PPP1R13L: variants seen among roughly 807,000 people sequenced by gnomAD.
The protein encoded by PPP1R13L is relA-associated inhibitor.
PPP1R13L carries 50 observed loss-of-function variants against 80.9 expected under a neutral mutation model. That is an observed-to-expected ratio of 0.62 (90% CI 0.49 to 0.78). PPP1R13L has a LOEUF of 0.78. Among genes scored for constraint, PPP1R13L ranks in the 30% least tolerant of loss-of-function variants. PPP1R13L has a pLI of 0.00. For synonymous variants in PPP1R13L, 602 were observed against 534.3 expected, an observed-to-expected ratio of 1.13 and a Z score of -1.75; for missense variants, 1,200 against 1,205.9, an observed-to-expected ratio of 1.00 and a Z score of 0.07.
intron 6 of PPP1R13L, 76 bp from the exon 7 acceptor site, chr19:45,395,962 A>C: frequency 7.2e-7 from 1 of 1,385,050 alleles, no homozygotes; most frequent in Non-Finnish European, 9.9e-7. Flanking sequence ...AAAGACGAGA[A>C]GGGAGAGGAG....
At chr19:45,398,378 C>T in intron 1 of PPP1R13L, 39 bp from the exon 2 acceptor site, 2 of 1,583,920 alleles carry the variant, frequency 1.3e-6, no homozygotes. Flanking sequence ...TAAGACCCCG[C>T]CCCTCTAGAC....
chr19:45,386,129 C>A lies in PPP1R13L; in HGVS notation c.1867G>T (p.Ala623Ser). 6.5e-7 allele frequency: 1 copy of A among 1,545,446 alleles called. No individual in the cohort carries two copies. Among genetic ancestry groups the A allele is most frequent in the Non-Finnish European group, 8.6e-7 (1 of 1,157,952 alleles). The change falls in exon 9 of 13, where the codon GCG (alanine) becomes TCG (serine). Residue 623 changes from alanine to serine, a missense_variant. Around this residue, in one of 5 missense-constraint regions of PPP1R13L, gnomAD observed 214 missense variants for 199.6 expected, o/e 1.07. Coordinates refer to ENST00000360957, the MANE Select transcript of PPP1R13L (RefSeq NM_006663.4). ...AGGAGCACCAGAGGGTTGAGGCGCG[C>A]GCGGCGGGCCTTGCGCGGGGAGCCC... ...KAGSPRKARR[A>S]RLNPLVLLLD...
rs1010675722 is a variant in PPP1R13L at position 45,386,144 on chromosome 19, G to A, written c.1852C>T (p.Arg618Cys). 1.9e-6 allele frequency: 3 copies of A among 1,541,440 alleles called. No homozygotes were observed. Among genetic ancestry groups the A allele is most frequent in the Non-Finnish European group, 2.6e-6 (3 of 1,157,206 alleles). The change falls in exon 9 of 13, where the codon CGC (arginine) becomes TGC (cysteine). Residue 618 changes from arginine to cysteine, a missense_variant. Around this residue, in one of 5 missense-constraint regions of PPP1R13L, gnomAD observed 214 missense variants for 199.6 expected, o/e 1.07. Transcript: ENST00000360957. The stretch of plus-strand genomic sequence containing the variant: ...TTGAGGCGCGCGCGGCGGGCCTTGC[G>A]CGGGGAGCCCGCCTTCCGCAGCACA... ...RSVLRKAGSP[R>C]KARRARLNPL...
Position 45,395,591 on chromosome 19 carries a change from C to T in PPP1R13L, c.1199G>A (p.Arg400Gln). 3.4e-6 allele frequency: 5 copies of T among 1,465,910 alleles called. No individual in the cohort carries two copies. Among genetic ancestry groups the T allele is most frequent in the African/African-American group, 1.4e-5 (1 of 69,556 alleles). 90.8% of individuals were successfully genotyped at this position (1,465,910 alleles called of 1,614,324 possible). A position where few individuals can be genotyped will look rare whatever the true frequency, so the allele number is the denominator to read the frequency against. Residue 400 changes from arginine to glutamine, a missense_variant, in exon 7 of 13, where the codon CGA becomes CAA. By Grantham distance (43) the Arg-to-Gln change is conservative (BLOSUM62 1). Coordinates refer to ENST00000360957, the MANE Select transcript of PPP1R13L (RefSeq NM_006663.4). ...GGGCTGCAGCTTAGGCGGGGGTGCT[C>T]GGGTGAAGAGGGGGGACCCAGGGAG... ...AMLPGSPLFT[R>Q]APPPKLQPQP... is the part of the protein sequence containing the mutation.
At chr19:45,391,266 G>A (rs187648406) in intron 8 of PPP1R13L, among the ~76,000 whole-genome samples, 386 of 151,766 alleles carry the variant, frequency 2.5e-3, no homozygotes, top group African/African-American at 8.7e-3. Flanking sequence ...AGGGAGAGAA[G>A]AGAGGGTGAC....
At chr19:45,383,444 G>A (rs1391547897) in intron 11 of PPP1R13L, among the ~76,000 whole-genome samples, 3 of 151,620 alleles carry the variant, frequency 2.0e-5, no homozygotes, top group South Asian at 2.1e-4. Flanking sequence ...ACAGGTGTGC[G>A]CCACCATGCC....
At position 45,396,485 on chromosome 19, in the gene PPP1R13L, C is replaced by T. The variant is rs764014848; in HGVS notation, c.713-49G>A. The T allele has an allele frequency of 1.2e-6, 2 of 1,611,182 alleles. No homozygotes were observed. The highest frequency in any genetic ancestry group is 1.3e-5 in the African/African-American group (1 of 75,042). ...ATGAGACGGGAGGGGTGGCGAGCCCCGGATCCTGCCCGCTTTGACCCCGCG... is the reference window on the plus strand; with the variant it reads ...ATGAGACGGGAGGGGTGGCGAGCCCTGGATCCTGCCCGCTTTGACCCCGCG... On this transcript the variant is annotated intron_variant, in intron 4 of 12. Coordinates refer to ENST00000360957, the MANE Select transcript of PPP1R13L (RefSeq NM_006663.4). The surrounding 1 kb of genome is among the most constrained non-coding windows in gnomAD (Gnocchi z 5.3).
Position 45,391,920 on chromosome 19 carries a change from G to A in PPP1R13L, c.1775C>T (p.Ala592Val). 1 of 1,501,110 alleles carries A rather than the reference G, an allele frequency of 6.7e-7. No homozygotes were observed. 93.0% of individuals were successfully genotyped at this position (1,501,110 alleles called of 1,614,324 possible). ...CTCTGGTGGGCTGCTCTGGGACGGGGCCGGGGGTGGAATGGGAGCTGGTGG... is the reference window on the plus strand; with the variant it reads ...CTCTGGTGGGCTGCTCTGGGACGGGACCGGGGGTGGAATGGGAGCTGGTGG... ...PAPPAPIPPP[A>V]PSQSSPPEQP... Residue 592 changes from alanine (A) to valine (V), a missense_variant, in exon 8 of 13, where the codon GCC becomes GTC. Ala to Val is a moderately conservative substitution (Grantham distance 64). Transcript: ENST00000360957.
chr19:45,389,386 G>A, intron 8 of PPP1R13L, among the ~76,000 whole-genome samples: 1 of 152,132 alleles, frequency 6.6e-6, no homozygotes. Context: ...GTTCCATGTG[G>A]CTACAACCCT....
Position 45,396,633 on chromosome 19 carries a change from G to A in PPP1R13L, c.624C>T (p.Ala208=). ...CGGACGCTGGCGCGTCGTAGGCTGT[G>A]GCAGGGGGGCGCGGTGACGGCCCAC... ...PERGPSPRPP[A]TAYDAPASAF... Residue 208 remains alanine, a synonymous_variant, in exon 4 of 13, where the codon GCC becomes GCT. Transcript: ENST00000360957. This position sits in a 1 kb window ranked among gnomAD's most constrained non-coding sequence, Gnocchi z 5.3. The A allele has an allele frequency of 6.8e-7, 1 of 1,477,418 alleles. No homozygotes were observed. Among genetic ancestry groups the A allele is most frequent in the East Asian group, 2.4e-5 (1 of 41,228 alleles). 91.5% of individuals were successfully genotyped at this position (1,477,418 alleles called of 1,614,324 possible).
intron 11 of PPP1R13L, among the ~76,000 whole-genome samples, chr19:45,383,658 T>TA (rs1431355289): frequency 6.6e-6 from 1 of 152,222 alleles, no homozygotes; most frequent in Admixed American, 6.5e-5. Context: ...TCTTTTGCCC[T>TA]ACCCTGGCGC....
Position 45,380,094 on chromosome 19 carries a change from G to T in PPP1R13L, c.*96C>A. 1.5e-6 allele frequency: 2 copies of T among 1,355,542 alleles called. No individual in the cohort carries two copies. Among genetic ancestry groups the T allele is most frequent in the Non-Finnish European group, 2.1e-6 (2 of 953,724 alleles). 84.0% of individuals were successfully genotyped at this position (1,355,542 alleles called of 1,614,324 possible). A position where few individuals can be genotyped will look rare whatever the true frequency, so the allele number is the denominator to read the frequency against. On this transcript the variant is annotated 3_prime_UTR_variant, in exon 13 of 13. Transcript: ENST00000360957. Reference sequence around the variant, plus strand: ...CAAGGACCACCACCAGCAGGGTGAGGGGTGCAGATAAAGGCAGCAAAAAAC... The same window carrying T: ...CAAGGACCACCACCAGCAGGGTGAGTGGTGCAGATAAAGGCAGCAAAAAAC...
At chr19:45,394,404 A>G (rs1277196579) in intron 7 of PPP1R13L, among the ~76,000 whole-genome samples, 2 of 152,090 alleles carry the variant, frequency 1.3e-5, no homozygotes, top group East Asian at 3.9e-4. Flanking sequence ...TTAGCCCACC[A>G]AACTGCTAGG....
At chr19:45,400,456 C>T (rs982065892) in intron 1 of PPP1R13L, among the ~76,000 whole-genome samples, 9 of 152,018 alleles carry the variant, frequency 5.9e-5, no homozygotes, top group East Asian at 1.9e-4. Flanking sequence ...TGCTGATACC[C>T]GCCTCTGTCT....
chr19:45,387,822 A>C (rs906005720), intron 8 of PPP1R13L, among the ~76,000 whole-genome samples: 3 of 152,138 alleles, frequency 2.0e-5, no homozygotes, highest in Non-Finnish European at 4.4e-5. Flanking sequence ...AAGTGCTGGG[A>C]TTACAGGTGT....
chr19:45,395,983 C>A, intron 6 of PPP1R13L, 97 bp from the exon 7 acceptor site: 1 of 1,296,258 alleles, frequency 7.7e-7, no homozygotes. Flanking sequence ...GTGAGGGAAG[C>A]CCTGGGAGTG....
Position 45,396,514 on chromosome 19 carries a change from C to A in PPP1R13L, c.712+31G>T. The A allele has an allele frequency of 6.3e-7, 1 of 1,599,220 alleles. No individual in the cohort carries two copies. Among genetic ancestry groups the A allele is most frequent in the South Asian group, 1.1e-5 (1 of 90,342 alleles). On this transcript the variant is annotated intron_variant, in intron 4 of 12. Coordinates refer to ENST00000360957, the MANE Select transcript of PPP1R13L (RefSeq NM_006663.4). The surrounding 1 kb of genome is among the most constrained non-coding windows in gnomAD (Gnocchi z 5.3). ...TCCTGCCCGCTTTGACCCCGCGAGT[C>A]AAAGGCCCCGCGAGGGGCCCCTGGG...
At chr19:45,387,496 C>T (rs1035817294) in intron 8 of PPP1R13L, among the ~76,000 whole-genome samples, 3 of 152,148 alleles carry the variant, frequency 2.0e-5, no homozygotes, top group African/African-American at 7.2e-5. Flanking sequence ...GGGGCCAGGA[C>T]TTTGGAATCC....
chr19:45,390,732 C>T (rs191376226), intron 8 of PPP1R13L, among the ~76,000 whole-genome samples: 73 of 152,174 alleles, frequency 4.8e-4, no homozygotes, highest in African/African-American at 1.5e-3. Context: ...TACAGGCACG[C>T]GCCACCGCTC....
Sources: gnomAD v4.1 joint callset for allele counts (sites outside exome capture counted in the v4.1 genomes callset) on GRCh38, gnomAD v4.1.1 for gene constraint, gnomAD v4.1.1 regional missense constraint, Gnocchi (gnomAD v3.1) non-coding constraint, MANE v1.5 for transcripts, NCBI Gene and HGNC (gene_info 2026-07-23, HGNC 2026-07-21) for gene names.